DDR2: variants seen among roughly 807,000 people sequenced by gnomAD.
DDR2 encodes the protein discoidin domain-containing receptor 2.
DDR2 carries 27 observed loss-of-function variants against 94.9 expected under a neutral mutation model. The observed-to-expected ratio is 0.28, with a 90% CI of 0.21 to 0.39. The LOEUF (loss-of-function observed/expected upper bound fraction) is 0.39, where lower values mean the gene tolerates loss of function less well. Among genes scored for constraint, DDR2 ranks in the 10% least tolerant of loss-of-function variants. The probability of loss-of-function intolerance (pLI) is 1.00; values close to 1 mark genes in which losing one functional copy is unlikely to be tolerated. For synonymous variants in DDR2, 382 were observed against 377.2 expected (o/e 1.01, Z -0.15); for missense variants, 783 against 1,076.0 (o/e 0.73, Z 3.81).
intron 2 of DDR2, among the ~76,000 whole-genome samples, chr1:162,704,182 C>A (rs888682312): frequency 1.3e-5 from 2 of 152,134 alleles, no homozygotes; most frequent in Admixed American, 1.3e-4. Context: ...GGCAGAGGTA[C>A]CATTTATTAT....
At chr1:162,771,909 G>A in intron 12 of DDR2, 115 bp from the exon 13 acceptor site, 1 of 1,080,316 alleles carries the variant, frequency 9.3e-7, no homozygotes, top group Admixed American at 2.1e-5. Context: ...AGAATGTCAT[G>A]AAGCAGGTTA....
chr1:162,743,080 T>C (rs2102092677), intron 3 of DDR2, among the ~76,000 whole-genome samples: 1 of 152,256 alleles, frequency 6.6e-6, no homozygotes, highest in Admixed American at 6.5e-5. Context: ...AGTGTTCCTG[T>C]GGGTATATGG....
At chr1:162,681,432 T>C (rs1180255040) in intron 2 of DDR2, among the ~76,000 whole-genome samples, 2 of 152,202 alleles carry the variant, frequency 1.3e-5, no homozygotes, top group African/African-American at 2.4e-5. Context: ...CACTCAGGCC[T>C]ACCCGAATCC....
intron 1 of DDR2, among the ~76,000 whole-genome samples, chr1:162,644,281 C>T (rs191572108): frequency 6.6e-6 from 1 of 152,096 alleles, no homozygotes; most frequent in Non-Finnish European, 1.5e-5. Context: ...GTATCTGAAG[C>T]CTCCATAAGG....
chr1:162,755,743 T>C lies in DDR2; in HGVS notation c.645T>C (p.Ser215=), dbSNP rs1183815021. The C allele has an allele frequency of 1.2e-6, 2 of 1,614,156 alleles. No homozygotes were observed. The highest frequency in any genetic ancestry group is 1.1e-5 in the South Asian group (1 of 91,086). Residue 215 remains serine, a synonymous_variant, in exon 7 of 18, where the codon TCT becomes TCC. Coordinates refer to ENST00000367921, the MANE Select transcript of DDR2 (RefSeq NM_006182.4). ...GTTCCATCATTTATCTGAATGATTCTGTCTATGATGGAGCTGTTGGATACA... is the reference window on the plus strand; with the variant it reads ...GTTCCATCATTTATCTGAATGATTCCGTCTATGATGGAGCTGTTGGATACA... ...PGGSIIYLND[S]VYDGAVGYSM... is the part of the protein sequence containing the mutation.
intron 2 of DDR2, among the ~76,000 whole-genome samples, chr1:162,707,605 A>G (rs1660719507): frequency 6.6e-6 from 1 of 152,184 alleles, no homozygotes; most frequent in Non-Finnish European, 1.5e-5. Context: ...GTTTTTCCAA[A>G]TGCTCACAGG....
intron 2 of DDR2, among the ~76,000 whole-genome samples, chr1:162,669,534 G>A (rs961222896): frequency 2.0e-5 from 3 of 152,096 alleles, no homozygotes; most frequent in Admixed American, 6.5e-5. Flanking sequence ...ATAAACATGC[G>A]TGTGTAGGTA....
intron 3 of DDR2, among the ~76,000 whole-genome samples, chr1:162,720,327 C>A (rs562710937): frequency 6.6e-6 from 1 of 152,038 alleles, no homozygotes; most frequent in Non-Finnish European, 1.5e-5. Flanking sequence ...CTCACCACCC[C>A]GCAAAGGTAG....
intron 1 of DDR2, among the ~76,000 whole-genome samples, chr1:162,646,523 A>T (rs2101896502): frequency 6.6e-6 from 1 of 152,340 alleles, no homozygotes; most frequent in East Asian, 1.9e-4. Context: ...AGAAAAGGTC[A>T]ATCACATGAC....
intron 2 of DDR2, among the ~76,000 whole-genome samples, chr1:162,664,683 A>C (rs1487970613): frequency 2.6e-5 from 4 of 152,204 alleles, no homozygotes; most frequent in Non-Finnish European, 5.9e-5. Context: ...AACTATGATG[A>C]CTTTTAGGTT....
At chr1:162,687,675 G>A (rs531360834) in intron 2 of DDR2, among the ~76,000 whole-genome samples, 3 of 152,146 alleles carry the variant, frequency 2.0e-5, no homozygotes, top group South Asian at 2.1e-4. Flanking sequence ...TGAGATTTCC[G>A]GTGGGGATGG....
rs1488359101 is a variant in DDR2, at chr1:162,696,978, A to G, written c.-27-22059A>G. The stretch of plus-strand genomic sequence containing the variant: ...AGATTTCTATTATACAAGAGATTCA[A>G]CCAGAACCCTCTCCGTGGGCCTCCA... On this transcript the variant is annotated intron_variant, in intron 2 of 17. Transcript: ENST00000367921. Among the ~76,000 whole-genome samples the G allele has an allele frequency of 6.6e-5, 10 of 151,894 alleles. No homozygotes were observed. In the East Asian group the frequency reaches 1.7e-3, roughly 26 times the overall value.
At chr1:162,713,226 TACA>T (rs879536723) in intron 2 of DDR2, among the ~76,000 whole-genome samples, 1 of 152,160 alleles carries the variant, frequency 6.6e-6, no homozygotes, top group Non-Finnish European at 1.5e-5. Context: ...CATTTCCCAA[TACA>T]ACAAGTGATT....
Position 162,780,417 on chromosome 1 carries a change from ACAC to A in DDR2, c.*172_*174del, listed in dbSNP as rs1558084352. 5.8e-6 allele frequency: 4 copies of A among 687,396 alleles called. No individual in the cohort carries two copies. Among genetic ancestry groups the A allele is most frequent in the African/African-American group, 3.5e-5 (1 of 28,556 alleles). 42.6% of individuals were successfully genotyped at this position (687,396 alleles called of 1,614,324 possible). A position where few individuals can be genotyped will look rare whatever the true frequency, so the allele number is the denominator to read the frequency against. On this transcript the variant is annotated 3_prime_UTR_variant, in exon 18 of 18. Transcript: ENST00000367921. ...CCCACTCCCTACCCCTGACTCATATACACTTTTTTTTTTTTTTACATTAAAGAA... is the reference window on the plus strand; with the variant it reads ...CCCACTCCCTACCCCTGACTCATATATTTTTTTTTTTTTTACATTAAAGAA...
intron 2 of DDR2, among the ~76,000 whole-genome samples, chr1:162,694,726 A>G (rs889809575): frequency 6.6e-6 from 1 of 152,204 alleles, no homozygotes; most frequent in African/African-American, 2.4e-5. Flanking sequence ...GTTGAGCTAC[A>G]TTTCTGTGAT....
At chr1:162,666,898 T>A (rs1046066087) in intron 2 of DDR2, among the ~76,000 whole-genome samples, 85 of 149,612 alleles carry the variant, frequency 5.7e-4, no homozygotes, top group Non-Finnish European at 1.1e-3. Context: ...ATATATATAT[T>A]TTTTATAATT....
intron 3 of DDR2, among the ~76,000 whole-genome samples, chr1:162,749,634 G>C (rs770445166): frequency 3.1e-4 from 47 of 152,102 alleles, no homozygotes; most frequent in Non-Finnish European, 5.0e-4. Flanking sequence ...GAAATACAGG[G>C]AATCCTCCCT....
intron 3 of DDR2, among the ~76,000 whole-genome samples, chr1:162,731,144 G>C (rs751315772): frequency 2.0e-5 from 3 of 152,048 alleles, no homozygotes; most frequent in Admixed American, 6.5e-5. Context: ...ACTAATTACT[G>C]CACACTACTC....
intron 2 of DDR2, among the ~76,000 whole-genome samples, chr1:162,684,812 A>ACAC (rs1659589238): frequency 2.9e-5 from 4 of 137,956 alleles, no homozygotes; most frequent in South Asian, 2.4e-4. Context: ...CACACCCACC[A>ACAC]ACACACACAC....
Sources: gnomAD v4.1 joint callset for allele counts (sites outside exome capture counted in the v4.1 genomes callset) on GRCh38, gnomAD v4.1.1 for gene constraint, MANE v1.5 for transcripts, NCBI Gene and HGNC (gene_info 2026-07-23, HGNC 2026-07-21) for gene names.